The following TRPM3 variants were observed in gnomAD, a reference collection of about 807,000 sequenced individuals.
The protein encoded by TRPM3 is transient receptor potential cation channel subfamily M member 3, also known as long transient receptor potential channel 3.
A neutral mutation model predicts 181.2 loss-of-function variants in TRPM3; 77 were observed. That is an observed-to-expected ratio of 0.42 (90% CI 0.35 to 0.51). TRPM3 has a LOEUF of 0.51. Ranked by LOEUF, TRPM3 falls within the 20% of genes least tolerant of loss-of-function variation. The probability of loss-of-function intolerance (pLI) is 0.01; values close to 1 mark genes in which losing one functional copy is unlikely to be tolerated. For missense variants in TRPM3, 1,759 were observed against 2,196.7 expected (o/e 0.80, Z 3.98); for synonymous variants, 745 against 796.4 (o/e 0.94, Z 1.09).
At chr9:70,811,226 G>C (rs1384585142) in intron 6 of TRPM3, 2 of 1,611,296 alleles carry the variant, frequency 1.2e-6, no homozygotes, top group Non-Finnish European at 1.7e-6. Context: ...GGAGTCAAGA[G>C]AGAAAAACGG....
intron 1 of TRPM3, among the ~76,000 whole-genome samples, chr9:70,991,976 C>T (rs1022925536): frequency 6.6e-6 from 1 of 152,188 alleles, no homozygotes. Context: ...AGGCCCAGCT[C>T]CAGGTAGCCT....
intron 1 of TRPM3, among the ~76,000 whole-genome samples, chr9:71,196,870 T>TATTTG (rs1163186889): frequency 6.6e-6 from 1 of 151,890 alleles, no homozygotes; most frequent in Admixed American, 6.6e-5. Flanking sequence ...CCTTTCTTTT[T>TATTTG]ATTTTATTAT....
intron 1 of TRPM3, among the ~76,000 whole-genome samples, chr9:71,143,819 AT>A (rs1203973155): frequency 6.6e-6 from 1 of 152,108 alleles, no homozygotes; most frequent in Non-Finnish European, 1.5e-5. Context: ...GTGTATAAGC[AT>A]TCTTTTTTCT....
At chr9:71,341,140 A>C (rs1247530869) in intron 1 of TRPM3, among the ~76,000 whole-genome samples, 2 of 152,320 alleles carry the variant, frequency 1.3e-5, no homozygotes, top group African/African-American at 4.8e-5. Flanking sequence ...ATTTCAATTG[A>C]TATATATAGG....
chr9:71,206,438 G>T (rs1012717598), intron 1 of TRPM3, among the ~76,000 whole-genome samples: 33 of 150,658 alleles, frequency 2.2e-4, no homozygotes, highest in South Asian at 4.2e-4. Context: ...TTTTTGATGG[G>T]TTTTTTTTTC....
intron 1 of TRPM3, among the ~76,000 whole-genome samples, chr9:71,411,358 C>T (rs1274540434): frequency 5.3e-5 from 8 of 152,284 alleles, no homozygotes; most frequent in Non-Finnish European, 1.0e-4. Context: ...AAAACCACAT[C>T]GTCTCAGCCC....
chr9:70,673,373 A>G (rs760519372), intron 9 of TRPM3, among the ~76,000 whole-genome samples: 1 of 152,084 alleles, frequency 6.6e-6, no homozygotes, highest in Non-Finnish European at 1.5e-5. Flanking sequence ...CTTGATCTGC[A>G]AGTCAGAAGA....
chr9:70,930,316 T>C (rs566603363), intron 1 of TRPM3, among the ~76,000 whole-genome samples: 1 of 152,310 alleles, frequency 6.6e-6, no homozygotes, highest in Non-Finnish European at 1.5e-5. Flanking sequence ...TTCAGGAAAT[T>C]ATCTTGTCAA....
chr9:71,293,368 T>C (rs184672219), intron 1 of TRPM3, among the ~76,000 whole-genome samples: 2 of 151,958 alleles, frequency 1.3e-5, no homozygotes, highest in East Asian at 3.9e-4. Flanking sequence ...TCACGGACAT[T>C]TTATGCATAG....
intron 1 of TRPM3, among the ~76,000 whole-genome samples, chr9:70,980,252 T>C (rs1226006665): frequency 6.6e-6 from 1 of 151,976 alleles, no homozygotes; most frequent in African/African-American, 2.4e-5. Context: ...GAAAAGGCTG[T>C]CTAGAGGAAT....
chr9:71,045,373 C>T (rs2059316421), intron 1 of TRPM3, among the ~76,000 whole-genome samples: 1 of 152,130 alleles, frequency 6.6e-6, no homozygotes, highest in South Asian at 2.1e-4. Context: ...TTTCTTATGG[C>T]AGGCAACACA....
In TRPM3 at chr9:70,919,406, C is replaced by T. The variant is rs543011103; in HGVS notation, c.178-54895G>A. The stretch of plus-strand genomic sequence containing the variant: ...CAGCCTGGAAGGGCTTTCTCCACAA[C>T]CCCAATCTCTTAATGTATATTTGTT... On this transcript the variant is annotated intron_variant, in intron 1 of 25. Transcript: ENST00000677713. 2.0e-5 allele frequency among the ~76,000 whole-genome samples: 3 copies of T among 152,314 alleles called. No individual in the cohort carries two copies. The South Asian group carries it at 6.2e-4, about 32-fold the overall frequency.
intron 1 of TRPM3, among the ~76,000 whole-genome samples, chr9:71,309,437 T>C (rs2087709507): frequency 6.6e-6 from 1 of 152,176 alleles, no homozygotes; most frequent in South Asian, 2.1e-4. Context: ...TATCTCAATA[T>C]AGATTGTTAA....
intron 1 of TRPM3, among the ~76,000 whole-genome samples, chr9:70,875,558 C>T (rs1284950590): frequency 6.6e-6 from 1 of 151,800 alleles, no homozygotes; most frequent in Non-Finnish European, 1.5e-5. Context: ...AAATTTTAAT[C>T]TATTTCAATG....
intron 21 of TRPM3, among the ~76,000 whole-genome samples, chr9:70,597,812 ATGTTCAGTTCAAACCCAACTCAAC>A (rs1034807883): frequency 2.0e-5 from 3 of 152,234 alleles, no homozygotes; most frequent in African/African-American, 7.2e-5. Flanking sequence ...ATAGAACTTA[ATGTTCAGTTCAAACCCAACTCAAC>A]CCAACTCAAA....
chr9:70,650,957 T>C (rs945337610), intron 9 of TRPM3, among the ~76,000 whole-genome samples: 4 of 152,244 alleles, frequency 2.6e-5, no homozygotes, highest in African/African-American at 9.6e-5. Context: ...TTATGTTACC[T>C]ACTTATTCAT....
rs1027978754 is a variant in TRPM3, at chr9:70,532,960, C to T, written c.*2993G>A. On this transcript the variant is annotated 3_prime_UTR_variant, in exon 26 of 26. Coordinates refer to ENST00000677713, the MANE Select transcript of TRPM3 (RefSeq NM_001366145.2). The stretch of plus-strand genomic sequence containing the variant: ...AGGAAATGGACTGAAAAATAACACA[C>T]ATACATGTGCACAGGAAGGAAATGG... The T allele has an allele frequency of 1.3e-5, 2 of 152,268 alleles. No individual in the cohort carries two copies. The highest frequency in any genetic ancestry group is 2.9e-5 in the Non-Finnish European group (2 of 68,028). The allele number at this position is 152,268 out of a possible 1,614,324, so 9.4% of individuals were successfully genotyped here.
chr9:71,167,363 A>G (rs1478649758), intron 1 of TRPM3, among the ~76,000 whole-genome samples: 1 of 152,178 alleles, frequency 6.6e-6, no homozygotes, highest in Non-Finnish European at 1.5e-5. Context: ...CTATTATTTT[A>G]CTCTGGTATC....
intron 1 of TRPM3, among the ~76,000 whole-genome samples, chr9:71,058,139 T>G (rs1215609663): frequency 6.6e-6 from 1 of 152,052 alleles, no homozygotes. Context: ...GCCTTGATAT[T>G]TCCCGAATAA....
Sources: gnomAD v4.1 joint callset for allele counts (sites outside exome capture counted in the v4.1 genomes callset) on GRCh38, gnomAD v4.1.1 for gene constraint, MANE v1.5 for transcripts, NCBI Gene and HGNC (gene_info 2026-07-23, HGNC 2026-07-21) for gene names.